Variants in ZNF710 observed in about 807,000 individuals in gnomAD.
The protein encoded by ZNF710 is zinc finger protein 710.
A neutral mutation model predicts 50.6 loss-of-function variants in ZNF710; 13 were observed. The ratio of observed to expected loss-of-function variants is 0.26; its 90% CI spans 0.17 to 0.41. The LOEUF (loss-of-function observed/expected upper bound fraction) is 0.41. Ranked by LOEUF, ZNF710 falls within the 10% of genes least tolerant of loss-of-function variation. The probability of loss-of-function intolerance (pLI) is 1.00; values close to 1 mark genes in which losing one functional copy is unlikely to be tolerated. For synonymous variants in ZNF710, 383 were observed against 397.0 expected, an observed-to-expected ratio of 0.96 and a Z score of 0.42; for missense variants, 721 against 936.6, an observed-to-expected ratio of 0.77 and a Z score of 3.01.
chr15:90,008,439 T>TATATACACATATATATATATACACAC (rs1898200991), intron 1 of ZNF710, among the ~76,000 whole-genome samples: 1 of 140,140 alleles, frequency 7.1e-6, no homozygotes, highest in African/African-American at 2.9e-5. Flanking sequence ...TATATATATA[T>TATATACACATATATATATATACACAC]ACATATATAT....
chr15:90,062,785 G>A lies in ZNF710; in HGVS notation c.-28-4325G>A, dbSNP rs1471456197. Among the ~76,000 whole-genome samples the A allele has an allele frequency of 1.3e-5, 2 of 152,162 alleles. No individual in the cohort carries two copies. Among genetic ancestry groups the A allele is most frequent in the African/African-American group, 4.8e-5 (2 of 41,438 alleles). On this transcript the variant is annotated intron_variant, in intron 1 of 4. Transcript: ENST00000268154. This position sits in a 1 kb window ranked among gnomAD's most constrained non-coding sequence, Gnocchi z 5.6. ...GGCAGGCAGAACACACATGCGAAAC[G>A]CAGGTAAATTAGATTCCCTCCTCAG...
rs545277849 is a variant in ZNF710, at chr15:90,059,061, C to T, written c.-28-8049C>T. Among the ~76,000 whole-genome samples the T allele has an allele frequency of 1.3e-4, 20 of 152,320 alleles. No homozygotes were observed. In the South Asian group the frequency reaches 2.9e-3, roughly 22 times the overall value. The stretch of plus-strand genomic sequence containing the variant: ...GGGCACCATAGCTTAGCCAAGATGA[C>T]GCATATGATTTACCACGACAGTGAT... On this transcript the variant is annotated intron_variant, in intron 1 of 4. Coordinates refer to ENST00000268154, the MANE Select transcript of ZNF710 (RefSeq NM_198526.4). This position sits in a 1 kb window ranked among gnomAD's most constrained non-coding sequence, Gnocchi z 4.1.
intron 1 of ZNF710, among the ~76,000 whole-genome samples, chr15:90,018,992 T>G (rs1265917295): frequency 9.2e-5 from 11 of 119,206 alleles, no homozygotes; most frequent in Non-Finnish European, 2.0e-5. Flanking sequence ...AGAAAATAGC[T>G]TTTATTGATT....
intron 1 of ZNF710, among the ~76,000 whole-genome samples, chr15:90,058,719 A>ATGTATG (rs775602947): frequency 0.035 from 4,740 of 136,450 alleles, 368 homozygotes; most frequent in African/African-American, 0.16. Context: ...ATATATATAT[A>ATGTATG]CACACATATA....
rs886136555 is a variant in ZNF710 at position 90,059,838 on chromosome 15, G to A, written c.-28-7272G>A. On this transcript the variant is annotated intron_variant, in intron 1 of 4. Coordinates refer to ENST00000268154, the MANE Select transcript of ZNF710 (RefSeq NM_198526.4). This position sits in a 1 kb window ranked among gnomAD's most constrained non-coding sequence, Gnocchi z 4.1. Reference sequence around the variant, plus strand: ...AACCAAGAGGCTGGTTTCCTTAGGCGGTGAAATCCCGTGCATGTTTTTCAC... The same window carrying A: ...AACCAAGAGGCTGGTTTCCTTAGGCAGTGAAATCCCGTGCATGTTTTTCAC... Among the ~76,000 whole-genome samples, 4 of 152,204 alleles carry A rather than the reference G, an allele frequency of 2.6e-5. No homozygotes were observed. Among genetic ancestry groups the A allele is most frequent in the African/African-American group, 9.6e-5 (4 of 41,458 alleles).
intron 1 of ZNF710, among the ~76,000 whole-genome samples, chr15:90,061,150 T>C (rs766999739): frequency 4.0e-5 from 6 of 150,984 alleles, no homozygotes; most frequent in Non-Finnish European, 5.9e-5. Flanking sequence ...CTTGCTTGCT[T>C]TTTCTTTATT....
chr15:90,044,183 C>T (rs925697252), intron 1 of ZNF710, among the ~76,000 whole-genome samples: 1 of 152,210 alleles, frequency 6.6e-6, no homozygotes, highest in African/African-American at 2.4e-5. Context: ...GTTCGTCACA[C>T]AGGAGGAGTC....
chr15:90,079,304 G>A (rs528695354), intron 4 of ZNF710, among the ~76,000 whole-genome samples: 10 of 152,322 alleles, frequency 6.6e-5, no homozygotes, highest in Admixed American at 1.3e-4. Flanking sequence ...GCAGCTTCCC[G>A]TGGCCAGAGA....
intron 1 of ZNF710, among the ~76,000 whole-genome samples, chr15:90,035,442 G>A (rs1466892473): frequency 1.3e-5 from 2 of 152,176 alleles, no homozygotes; most frequent in African/African-American, 2.4e-5. Flanking sequence ...CGGAAGGCAG[G>A]ACTCCCAGGG....
At position 90,067,447 on chromosome 15, in the gene ZNF710, C is replaced by T. The variant is rs1223652294; in HGVS notation, c.310C>T (p.Arg104Trp). The T allele has an allele frequency of 5.0e-6, 8 of 1,610,244 alleles. No individual in the cohort carries two copies. Among genetic ancestry groups the T allele is most frequent in the African/African-American group, 1.3e-5 (1 of 74,866 alleles). The change falls in exon 2 of 5, where the codon CGG (arginine) becomes TGG (tryptophan). Residue 104 changes from arginine to tryptophan, a missense_variant. This residue lies in a region of ZNF710 where 326 missense variants were observed against 347.1 expected (regional missense o/e 0.94). Transcript: ENST00000268154. The surrounding 1 kb of genome is among the most constrained non-coding windows in gnomAD (Gnocchi z 8.1). ...HTRRKTRPPVRLVPKVKFEKV... is the reference protein window; with the variant it reads ...HTRRKTRPPVWLVPKVKFEKV... Reference sequence around the variant, plus strand: ...CCGGCGGAAGACGCGGCCACCTGTGCGGTTGGTGCCCAAGGTCAAGTTCGA... The same window carrying T: ...CCGGCGGAAGACGCGGCCACCTGTGTGGTTGGTGCCCAAGGTCAAGTTCGA...
chr15:90,055,634 C>T (rs916673312), intron 1 of ZNF710, among the ~76,000 whole-genome samples: 26 of 152,226 alleles, frequency 1.7e-4, no homozygotes, highest in African/African-American at 4.8e-4. Flanking sequence ...GGGACAGCTG[C>T]GTGGCAGAAC....
chr15:90,004,874 G>T (rs544841042), intron 1 of ZNF710, among the ~76,000 whole-genome samples: 3 of 152,224 alleles, frequency 2.0e-5, no homozygotes, highest in Non-Finnish European at 4.4e-5. Context: ...TGGAGGATGT[G>T]ACTGGCCAGT....
At chr15:90,042,835 G>A (rs561013684) in intron 1 of ZNF710, among the ~76,000 whole-genome samples, 13 of 152,346 alleles carry the variant, frequency 8.5e-5, no homozygotes, top group Admixed American at 2.0e-4. Context: ...CCAGGTTAGG[G>A]CACGTATATT....
rs757054356 is a variant in ZNF710, at chr15:90,067,861, C to G, written c.724C>G (p.Pro242Ala). The G allele has an allele frequency of 1.1e-5, 17 of 1,604,778 alleles. No homozygotes were observed. The South Asian group carries it at 1.7e-4, about 16-fold the overall frequency. The change falls in exon 2 of 5, where the codon CCG (proline) becomes GCG (alanine). Residue 242 changes from proline (P) to alanine (A), a missense_variant. Transcript: ENST00000268154. The surrounding 1 kb of genome is among the most constrained non-coding windows in gnomAD (Gnocchi z 8.1). Reference protein sequence around the residue: ...PSMESPEPVKPEQGFVWQEAS... With the variant: ...PSMESPEPVKAEQGFVWQEAS... ...CATGGAGTCCCCGGAGCCTGTCAAG[C>G]CGGAACAGGGCTTCGTGTGGCAGGA...
chr15:90,041,619 C>G (rs1434231107), intron 1 of ZNF710, among the ~76,000 whole-genome samples: 1 of 152,194 alleles, frequency 6.6e-6, no homozygotes, highest in Non-Finnish European at 1.5e-5. Flanking sequence ...TAAGTCTGCC[C>G]CTCCTCTGTT....
In ZNF710 at chr15:90,068,536, GA is replaced by G; in HGVS notation, c.1401del (p.Glu467AspfsTer22). On this transcript the variant is annotated frameshift_variant, in exon 2 of 5. Transcript: ENST00000268154. LOFTEE classifies it high-confidence loss of function. This position sits in a 1 kb window ranked among gnomAD's most constrained non-coding sequence, Gnocchi z 5.0. ...HQNVRPFVCT[E>X]CGMEFSQIHH... ...GAACGTGCGACCCTTCGTGTGCACTGAATGCGGCATGGAGTTCAGCCAGATT... is the reference window on the plus strand; with the variant it reads ...GAACGTGCGACCCTTCGTGTGCACTGATGCGGCATGGAGTTCAGCCAGATT... 6.2e-7 allele frequency: 1 copy of G among 1,612,040 alleles called. No homozygotes were observed. Among genetic ancestry groups the G allele is most frequent in the Non-Finnish European group, 8.5e-7 (1 of 1,179,974 alleles).
intron 1 of ZNF710, among the ~76,000 whole-genome samples, chr15:90,007,547 T>TA (rs1354201068): frequency 1.3e-5 from 2 of 152,034 alleles, no homozygotes; most frequent in Non-Finnish European, 2.9e-5. Flanking sequence ...TCAAATGTCT[T>TA]ACTGGACTAA....
At chr15:90,028,833 C>T (rs7171721) in intron 1 of ZNF710, among the ~76,000 whole-genome samples, 1 of 151,850 alleles carries the variant, frequency 6.6e-6, no homozygotes, top group Non-Finnish European at 1.5e-5. Flanking sequence ...TGGAAAATTG[C>T]TTGTGGCATC....
rs78390346 is a variant in ZNF710 at position 90,066,151 on chromosome 15, G to C, written c.-28-959G>C. ...AGAAAAACAACAACTGCTTGTGATA[G>C]ATGCAGATGTTTATCGTCGGGGCTG... is the stretch of plus-strand genomic sequence containing the variant. On this transcript the variant is annotated intron_variant, in intron 1 of 4. Transcript: ENST00000268154. Among the ~76,000 whole-genome samples the C allele has an allele frequency of 6.0e-3, 918 of 152,332 alleles. 7 individuals are homozygous for C. Among genetic ancestry groups the C allele is most frequent in the Non-Finnish European group, 8.9e-3 (604 of 68,042 alleles).
Sources: gnomAD v4.1 joint callset for allele counts (sites outside exome capture counted in the v4.1 genomes callset) on GRCh38, gnomAD v4.1.1 for gene constraint, gnomAD v4.1.1 regional missense constraint, Gnocchi (gnomAD v3.1) non-coding constraint, MANE v1.5 for transcripts, NCBI Gene and HGNC (gene_info 2026-07-23, HGNC 2026-07-21) for gene names.